Variants in FTCDNL1 observed in about 807,000 individuals in gnomAD.
FTCDNL1 encodes the protein formiminotransferase cyclodeaminase N-terminal like.
A neutral mutation model predicts 5.9 loss-of-function variants in FTCDNL1; 11 were observed. The observed-to-expected ratio is 1.87, with a 90% CI of 1.18 to 3.10. FTCDNL1 has a LOEUF of 3.10. Ranked by LOEUF, FTCDNL1 falls within the 30% of genes most tolerant of loss-of-function variation. The probability of loss-of-function intolerance (pLI) is 0.00; values close to 1 mark genes in which losing one functional copy is unlikely to be tolerated. For synonymous variants in FTCDNL1, 58 were observed against 24.8 expected (o/e 2.34, Z -3.99); for missense variants, 115 against 65.5 (o/e 1.76, Z -2.61).
chr2:199,775,687 C>A (rs1339499526), intron 3 of FTCDNL1, among the ~76,000 whole-genome samples: 1 of 152,116 alleles, frequency 6.6e-6, no homozygotes, highest in Non-Finnish European at 1.5e-5. Context: ...CCCCTCTTTC[C>A]ACAACCTAGT....
chr2:199,688,898 G>C, the FTCDNL1 span, among the ~76,000 whole-genome samples: 88 of 152,216 alleles, frequency 5.8e-4, no homozygotes, highest in African/African-American at 2.0e-3. Context: ...TATTTCTATA[G>C]CACTTCTTCT....
downstream of FTCDNL1, among the ~76,000 whole-genome samples, chr2:199,809,236 G>A (rs1700894289): frequency 1.3e-5 from 2 of 151,054 alleles, no homozygotes; most frequent in Non-Finnish European, 2.9e-5. Context: ...TAAAAAGATT[G>A]AGTTCGGCCT....
intron 3 of FTCDNL1, 32 bp downstream of exon 3, chr2:199,846,043 C>T: frequency 1.5e-6 from 1 of 670,898 alleles, no homozygotes; most frequent in South Asian, 1.6e-5. Flanking sequence ...AAAAAAAAGA[C>T]ATATATGTAA....
At chr2:199,670,975 G>A in the FTCDNL1 span, among the ~76,000 whole-genome samples, 2 of 152,178 alleles carry the variant, frequency 1.3e-5, no homozygotes, top group Admixed American at 6.5e-5. Flanking sequence ...AGAAGTACAC[G>A]CCAGTGCTGA....
At chr2:199,676,106 T>G in the FTCDNL1 span, among the ~76,000 whole-genome samples, 1 of 152,162 alleles carries the variant, frequency 6.6e-6, no homozygotes. Flanking sequence ...TTATATCCCA[T>G]TAGCTATAAC....
the FTCDNL1 span, among the ~76,000 whole-genome samples, chr2:199,685,239 C>A: frequency 1.3e-5 from 2 of 152,076 alleles, no homozygotes; most frequent in Non-Finnish European, 2.9e-5. Context: ...ACCTAAGAGA[C>A]CTGCAGGCGA....
the FTCDNL1 span, among the ~76,000 whole-genome samples, chr2:199,744,996 C>T: frequency 2.0e-5 from 3 of 152,212 alleles, no homozygotes; most frequent in African/African-American, 4.8e-5. Context: ...CCCTCCCAGA[C>T]GCATCATCCT....
intron 3 of FTCDNL1, among the ~76,000 whole-genome samples, chr2:199,834,127 CA>C (rs1344236423): frequency 6.6e-6 from 1 of 152,024 alleles, no homozygotes; most frequent in Admixed American, 6.6e-5. Flanking sequence ...GTCCCTAATC[CA>C]ATATGACTGG....
chr2:199,733,216 C>T, the FTCDNL1 span, among the ~76,000 whole-genome samples: 1 of 152,146 alleles, frequency 6.6e-6, no homozygotes, highest in African/African-American at 2.4e-5. Flanking sequence ...TGAGAAGAGG[C>T]CAATCAGCAG....
At chr2:199,821,296 C>A (rs867295987) in intron 3 of FTCDNL1, among the ~76,000 whole-genome samples, 7 of 150,240 alleles carry the variant, frequency 4.7e-5, no homozygotes, top group African/African-American at 1.5e-4. Flanking sequence ...ATTACAGGCA[C>A]GTGCCACCAA....
the FTCDNL1 span, among the ~76,000 whole-genome samples, chr2:199,723,932 T>C: frequency 3.3e-5 from 5 of 152,160 alleles, no homozygotes; most frequent in African/African-American, 1.2e-4. Context: ...TCCTTTTCAA[T>C]TGTTTGGAAT....
the FTCDNL1 span, among the ~76,000 whole-genome samples, chr2:199,712,686 G>A: frequency 3.3e-5 from 5 of 152,184 alleles, no homozygotes; most frequent in Non-Finnish European, 7.4e-5. Flanking sequence ...TCTCTCAGGA[G>A]GATCCATCCT....
intron 3 of FTCDNL1, among the ~76,000 whole-genome samples, chr2:199,826,271 C>A (rs1702024019): frequency 6.6e-6 from 1 of 152,102 alleles, no homozygotes; most frequent in Non-Finnish European, 1.5e-5. Context: ...GATTCAAGGG[C>A]AGGGGTGCAT....
rs529871659 is a variant in FTCDNL1, at chr2:199,823,972, T to G, written c.212-4215A>C. On this transcript the variant is annotated intron_variant, in intron 3 of 4. Transcript: ENST00000420128. ...TGAAAATCTGTTTAGTGTAGCCACC[T>G]TCATCCTTTTCTTTAAATTTTTTGT... Among the ~76,000 whole-genome samples the G allele has an allele frequency of 6.6e-5, 10 of 152,266 alleles. No homozygotes were observed. In the South Asian group the frequency reaches 1.9e-3, roughly 28 times the overall value.
the FTCDNL1 span, among the ~76,000 whole-genome samples, chr2:199,687,907 G>A: frequency 1.3e-5 from 2 of 151,998 alleles, no homozygotes; most frequent in Admixed American, 1.3e-4. Context: ...TATATCACTT[G>A]CCCAGTGTTA....
At chr2:199,737,842 T>C in the FTCDNL1 span, among the ~76,000 whole-genome samples, 1 of 152,358 alleles carries the variant, frequency 6.6e-6, no homozygotes, top group Non-Finnish European at 1.5e-5. Context: ...GGGTGTGACC[T>C]ATTACTGAGA....
chr2:199,731,760 C>T, the FTCDNL1 span, among the ~76,000 whole-genome samples: 1 of 151,150 alleles, frequency 6.6e-6, no homozygotes, highest in East Asian at 2.0e-4. Context: ...TAGTGGCGGG[C>T]GCCTGTAGTC....
At position 199,812,567 on chromosome 2, in the gene FTCDNL1, C is replaced by T. The variant is rs1701096854; in HGVS notation, c.*138G>A. On this transcript the variant is annotated 3_prime_UTR_variant, in exon 5 of 5. Transcript: ENST00000420128. ...CCACTTTTTGCTCTAAAATTAGAAA[C>T]CTGATGTGAAAGTTTGTTTCTCAGT... 6.6e-6 allele frequency: 3 copies of T among 456,854 alleles called. No homozygotes were observed. Among genetic ancestry groups the T allele is most frequent in the Non-Finnish European group, 7.8e-6 (2 of 257,732 alleles). 28.3% of individuals were successfully genotyped at this position (456,854 alleles called of 1,614,324 possible).
At chr2:199,795,523 C>T (rs904770857) in intron 3 of FTCDNL1, among the ~76,000 whole-genome samples, 1 of 152,202 alleles carries the variant, frequency 6.6e-6, no homozygotes, top group Non-Finnish European at 1.5e-5. Context: ...TTGTAAACTG[C>T]CTGTCTCCTG....
Sources: allele counts gnomAD v4.1 joint callset (sites outside exome capture counted in the v4.1 genomes callset), GRCh38; gene constraint gnomAD v4.1.1; transcripts MANE v1.5; gene names NCBI Gene and HGNC (gene_info 2026-07-23, HGNC 2026-07-21).